Variants in SDCCAG8 observed in about 807,000 individuals in gnomAD.
SDCCAG8 encodes SHH signaling and ciliogenesis regulator SDCCAG8.
SDCCAG8 carries 74 observed loss-of-function variants against 101.8 expected under a neutral mutation model. The observed-to-expected ratio is 0.73, with a 90% confidence interval of 0.60 to 0.88. The LOEUF (loss-of-function observed/expected upper bound fraction) is 0.88. Among genes scored for constraint, SDCCAG8 ranks in the 40% least tolerant of loss-of-function variants. SDCCAG8 has a pLI of 0.00. For missense variants in SDCCAG8, 787 were observed against 822.6 expected, an observed-to-expected ratio of 0.96 and a Z score of 0.53; for synonymous variants, 281 against 292.9, an observed-to-expected ratio of 0.96 and a Z score of 0.41.
chr1:243,453,114 G>A (rs746091186), intron 16 of SDCCAG8, among the ~76,000 whole-genome samples: 26 of 152,318 alleles, frequency 1.7e-4, no homozygotes, highest in South Asian at 8.3e-4. Flanking sequence ...CTCCTTTTCC[G>A]GAGTTGATGA....
At chr1:243,277,465 G>A (rs2068672418) in intron 4 of SDCCAG8, among the ~76,000 whole-genome samples, 1 of 152,166 alleles carries the variant, frequency 6.6e-6, no homozygotes, top group East Asian at 1.9e-4. Context: ...GTCTGTTCAG[G>A]TCGTTCACCC....
At chr1:243,257,948 G>A (rs753170725) in intron 1 of SDCCAG8, among the ~76,000 whole-genome samples, 3 of 151,944 alleles carry the variant, frequency 2.0e-5, no homozygotes, top group African/African-American at 2.4e-5. Context: ...TATAATTGTC[G>A]GAGGCTGTTT....
chr1:243,410,230 T>C (rs949850240), intron 13 of SDCCAG8, among the ~76,000 whole-genome samples: 3 of 152,186 alleles, frequency 2.0e-5, no homozygotes, highest in African/African-American at 7.2e-5. Flanking sequence ...TGGTGAATAC[T>C]ACCAAAGAGG....
At chr1:243,279,375 T>C (rs1411507603) in intron 4 of SDCCAG8, among the ~76,000 whole-genome samples, 2 of 152,218 alleles carry the variant, frequency 1.3e-5, no homozygotes, top group Non-Finnish European at 2.9e-5. Context: ...ATACTATAGA[T>C]TATTGGTTGT....
intron 13 of SDCCAG8, among the ~76,000 whole-genome samples, chr1:243,411,923 G>C (rs2080210513): frequency 6.6e-6 from 1 of 152,180 alleles, no homozygotes; most frequent in African/African-American, 2.4e-5. Context: ...TCAGTGTTTT[G>C]AGTGGGAATT....
intron 8 of SDCCAG8, among the ~76,000 whole-genome samples, chr1:243,315,578 CAT>C (rs1464531784): frequency 6.6e-6 from 1 of 152,104 alleles, no homozygotes; most frequent in Non-Finnish European, 1.5e-5. Flanking sequence ...TTCAGTATTA[CAT>C]GTTTCTTCAA....
intron 16 of SDCCAG8, chr1:243,488,100 G>A (rs1195211683): frequency 1.3e-5 from 2 of 152,260 alleles, no homozygotes; most frequent in East Asian, 3.9e-4. Context: ...TTTTTGTAAA[G>A]GAACCTATCC....
Position 243,373,468 on chromosome 1 carries a change from C to T in SDCCAG8, c.1474-5253C>T, listed in dbSNP as rs538807371. ...TATTTATGAGTCTGCAGGTCAGGTA[C>T]GCTTTGGCTGATCTGTGCTGTATTT... is the stretch of plus-strand genomic sequence containing the variant. On this transcript the variant is annotated intron_variant, in intron 12 of 17. Coordinates refer to ENST00000366541, the MANE Select transcript of SDCCAG8 (RefSeq NM_006642.5). Among the ~76,000 whole-genome samples the T allele has an allele frequency of 1.1e-3, 171 of 152,140 alleles. 1 individual carries two copies. The South Asian group carries it at 0.032, about 28-fold the overall frequency.
intron 12 of SDCCAG8, among the ~76,000 whole-genome samples, chr1:243,347,380 A>G (rs1183762113): frequency 1.3e-5 from 2 of 152,202 alleles, no homozygotes; most frequent in African/African-American, 4.8e-5. Context: ...CTTTGTCTCA[A>G]AAATGTTGAT....
At chr1:243,442,632 C>T (rs1482864455) in intron 16 of SDCCAG8, among the ~76,000 whole-genome samples, 2 of 151,936 alleles carry the variant, frequency 1.3e-5, no homozygotes, top group African/African-American at 2.4e-5. Context: ...AAAAGTATAG[C>T]CACAAAAGTT....
intron 13 of SDCCAG8, among the ~76,000 whole-genome samples, chr1:243,411,646 A>G (rs950033650): frequency 6.6e-6 from 1 of 152,048 alleles, no homozygotes; most frequent in Non-Finnish European, 1.5e-5. Flanking sequence ...TCTGTCCCTT[A>G]GTGTTTACTT....
intron 13 of SDCCAG8, among the ~76,000 whole-genome samples, chr1:243,385,688 G>A (rs918905913): frequency 4.6e-5 from 7 of 152,148 alleles, no homozygotes; most frequent in Non-Finnish European, 1.5e-5. Context: ...ATTCATCTTA[G>A]GCCGGGCACG....
chr1:243,381,548 C>T (rs10927003), intron 13 of SDCCAG8, among the ~76,000 whole-genome samples: 63,922 of 151,480 alleles, frequency 0.42, 15,929 homozygotes, highest in East Asian at 0.81. Flanking sequence ...GTGATTGCGC[C>T]GCTACACTCC....
At chr1:243,489,274 A>G (rs1574374840) in intron 17 of SDCCAG8, 134 bp downstream of exon 17, 16 of 1,243,744 alleles carry the variant, frequency 1.3e-5, no homozygotes, top group African/African-American at 4.5e-5. Flanking sequence ...GGTCCCGAAG[A>G]CTGTGCTGGG....
At chr1:243,295,163 G>A (rs193038933) in intron 6 of SDCCAG8, among the ~76,000 whole-genome samples, 1 of 152,258 alleles carries the variant, frequency 6.6e-6, no homozygotes, top group East Asian at 1.9e-4. Context: ...AAAGACCAAT[G>A]TCTCAAGTCA....
At chr1:243,313,870 A>G (rs558406420) in intron 8 of SDCCAG8, among the ~76,000 whole-genome samples, 1 of 152,286 alleles carries the variant, frequency 6.6e-6, no homozygotes, top group Admixed American at 6.5e-5. Context: ...TGAAAGGCAG[A>G]TTATATAAGT....
chr1:243,318,298 A>G (rs2073443123), intron 9 of SDCCAG8, among the ~76,000 whole-genome samples: 1 of 152,230 alleles, frequency 6.6e-6, no homozygotes, highest in Non-Finnish European at 1.5e-5. Context: ...GTGGGAGCTA[A>G]ATGATAAGAA....
intron 16 of SDCCAG8, among the ~76,000 whole-genome samples, chr1:243,480,860 GTGGATGGATGGA>G (rs879879840): frequency 2.1e-5 from 2 of 97,404 alleles, no homozygotes; most frequent in Non-Finnish European, 4.2e-5. Flanking sequence ...GGATGGATGG[GTGGATGGATGGA>G]TGGGTGGGAT....
intron 9 of SDCCAG8, among the ~76,000 whole-genome samples, chr1:243,322,168 G>A (rs568498881): frequency 1.1e-3 from 169 of 152,284 alleles, no homozygotes; most frequent in African/African-American, 4.0e-3. Context: ...CCAATGCTAC[G>A]GCACTGGCTT....
Sources: gnomAD v4.1 joint callset for allele counts (sites outside exome capture counted in the v4.1 genomes callset) on GRCh38, gnomAD v4.1.1 for gene constraint, MANE v1.5 for transcripts, NCBI Gene and HGNC (gene_info 2026-07-23, HGNC 2026-07-21) for gene names.